Variants in GEMIN8 observed in about 807,000 individuals in gnomAD.
GEMIN8 encodes the protein gem nuclear organelle associated protein 8.
For missense variants in GEMIN8, 185 were observed against 205.9 expected (o/e 0.90, Z 0.62); for synonymous variants, 80 against 78.5 (o/e 1.02, Z -0.10).
chrX:14,016,963 C>G (rs550831633), intron 4 of GEMIN8, among the ~76,000 whole-genome samples: 606 of 103,148 alleles, frequency 5.9e-3, no homozygotes, highest in Non-Finnish European at 9.6e-3. Context: ...GGTTAATAAT[C>G]CATGTTAAAG....
chrX:14,020,548 G>T lies in GEMIN8; in HGVS notation c.16-14C>A. 1 of 1,052,339 alleles carries T rather than the reference G, an allele frequency of 9.5e-7. No individual in the cohort carries two copies. The highest frequency in any genetic ancestry group is 1.3e-6 in the Non-Finnish European group (1 of 754,837). 86.7% of individuals were successfully genotyped at this position (1,052,339 alleles called of 1,213,427 possible). On this transcript the variant is annotated splice_polypyrimidine_tract_variant and intron_variant, in intron 3 of 4. Coordinates refer to ENST00000680255, the MANE Select transcript of GEMIN8 (RefSeq NM_001042479.2). Reference sequence around the variant, plus strand: ...CGATGTTGATGCCTACAAAATGAAAGGAGGTGGAGGGTGGACACCAAAGTG... The same window carrying T: ...CGATGTTGATGCCTACAAAATGAAATGAGGTGGAGGGTGGACACCAAAGTG...
intron 4 of GEMIN8, 97 bp downstream of exon 4, chrX:14,019,981 A>AAG: frequency 4.2e-6 from 2 of 472,235 alleles, no homozygotes; most frequent in Admixed American, 7.6e-5. Context: ...TACCCTAGCC[A>AAG]ATGAAGAATT....
the GEMIN8 span, among the ~76,000 whole-genome samples, chrX:13,999,787 G>C: frequency 9.0e-6 from 1 of 111,483 alleles, no homozygotes; most frequent in Non-Finnish European, 1.9e-5. Context: ...TTTTTCTCAT[G>C]TTTAAATTGG....
intron 4 of GEMIN8, among the ~76,000 whole-genome samples, chrX:14,014,774 C>A (rs1923802333): frequency 8.9e-6 from 1 of 112,001 alleles, no homozygotes; most frequent in African/African-American, 3.3e-5. Flanking sequence ...ATGAAAACCA[C>A]ATCTGGGCAT....
At chrX:14,001,526 G>A in the GEMIN8 span, among the ~76,000 whole-genome samples, 1 of 110,624 alleles carries the variant, frequency 9.0e-6, no homozygotes, top group Non-Finnish European at 1.9e-5. Flanking sequence ...TCCAACATGC[G>A]CTTTTTTTCC....
rs1923351323 is a variant in GEMIN8 at position 14,009,134 on chromosome X, T to G, written c.508A>C (p.Ser170Arg). The part of the protein sequence containing the change: ...QQQLDAERLD[S>R]YVNADHDLYC... ...AGGTCGTGGTCAGCGTTCACATAGCTGTCCAGGCGCTCTGCATCCAGCTGC... is the reference window on the plus strand; with the variant it reads ...AGGTCGTGGTCAGCGTTCACATAGCGGTCCAGGCGCTCTGCATCCAGCTGC... The change falls in exon 5 of 5, where the codon AGC (serine) becomes CGC (arginine). Residue 170 changes from serine to arginine, a missense_variant. Ser to Arg is a moderately radical substitution (Grantham distance 110, BLOSUM62 -1). Transcript: ENST00000680255. The G allele has an allele frequency of 1.7e-6, 2 of 1,211,272 alleles. No homozygotes were observed. The highest frequency in any genetic ancestry group is 5.9e-5 in the East Asian group (2 of 33,842).
At chrX:14,021,558 G>A (rs1924319076) in intron 2 of GEMIN8, 47 bp from the exon 3 acceptor site, 2 of 901,206 alleles carry the variant, frequency 2.2e-6, no homozygotes, top group African/African-American at 2.0e-5. Flanking sequence ...GTATGGCTGT[G>A]TGATATTTGT....
intron 4 of GEMIN8, among the ~76,000 whole-genome samples, chrX:14,019,205 G>A (rs192763318): frequency 1.4e-4 from 16 of 111,432 alleles, no homozygotes; most frequent in Non-Finnish European, 2.6e-4. Context: ...CATACAATTA[G>A]GCCTCACTTA....
chrX:14,021,600 A>G, intron 2 of GEMIN8, 89 bp from the exon 3 acceptor site: 2 of 609,818 alleles, frequency 3.3e-6, no homozygotes, highest in Non-Finnish European at 5.4e-6. Flanking sequence ...GCAGCTCCCA[A>G]GGAACTGCCT....
chrX:14,021,785 C>A (rs1924334904), intron 2 of GEMIN8, among the ~76,000 whole-genome samples: 1 of 89,494 alleles, frequency 1.1e-5, no homozygotes. Context: ...TGAAAATGAC[C>A]ATATAAATAT....
At chrX:14,001,368 A>G in the GEMIN8 span, among the ~76,000 whole-genome samples, 1 of 112,668 alleles carries the variant, frequency 8.9e-6, no homozygotes, top group Admixed American at 9.4e-5. Context: ...AAAGTTAATA[A>G]GTCTTTAATA....
At chrX:14,020,555 G>A in intron 3 of GEMIN8, 21 bp from the exon 4 acceptor site, 1 of 986,673 alleles carries the variant, frequency 1.0e-6, no homozygotes, top group Non-Finnish European at 1.4e-6. Flanking sequence ...AAAGGAGGTG[G>A]AGGGTGGACA....
At chrX:14,014,005 C>T (rs749266454) in intron 4 of GEMIN8, 62 of 721,754 alleles carry the variant, frequency 8.6e-5, no homozygotes, top group Non-Finnish European at 1.0e-4. Context: ...AATGTCACAT[C>T]ACGTAATAGT....
chrX:14,008,288 T>A lies in GEMIN8; in HGVS notation c.*625A>T, dbSNP rs1016029275. The A allele has an allele frequency of 8.9e-6, 1 of 112,597 alleles. No homozygotes were observed. Among genetic ancestry groups the A allele is most frequent in the Non-Finnish European group, 1.9e-5 (1 of 53,424 alleles). The allele number at this position is 112,597 out of a possible 1,213,427, so 9.3% of individuals were successfully genotyped here. ...CATTGCGCCCGGCCGCCTGTTTTTA[T>A]AAATAAAGTTTTATTAGAACACAGC... On this transcript the variant is annotated 3_prime_UTR_variant, in exon 5 of 5. Coordinates refer to ENST00000680255, the MANE Select transcript of GEMIN8 (RefSeq NM_001042479.2).
intron 4 of GEMIN8, among the ~76,000 whole-genome samples, chrX:14,009,934 C>T (rs1047554741): frequency 8.9e-6 from 1 of 112,079 alleles, no homozygotes; most frequent in East Asian, 2.8e-4. Flanking sequence ...ATTATCCTTC[C>T]ACAGATTCGA....
downstream of GEMIN8, among the ~76,000 whole-genome samples, chrX:14,005,920 G>A (rs188800840): frequency 1.5e-3 from 166 of 111,519 alleles, no homozygotes; most frequent in African/African-American, 4.9e-3. Context: ...TTTTCCATCA[G>A]ATATTGGTGC....
chrX:14,020,915 C>T (rs1434741502), intron 3 of GEMIN8, among the ~76,000 whole-genome samples: 3 of 111,097 alleles, frequency 2.7e-5, no homozygotes, highest in African/African-American at 6.6e-5. Context: ...AACTGAGCAA[C>T]GGCCTGCTAA....
intron 4 of GEMIN8, among the ~76,000 whole-genome samples, chrX:14,016,914 C>T (rs1173084712): frequency 1.1e-5 from 1 of 91,681 alleles, no homozygotes; most frequent in African/African-American, 4.1e-5. Context: ...CAATCAAGCA[C>T]TAATCAAGGC....
chrX:14,011,946 G>A (rs1923580490), intron 4 of GEMIN8, among the ~76,000 whole-genome samples: 1 of 110,876 alleles, frequency 9.0e-6, no homozygotes, highest in African/African-American at 3.3e-5. Context: ...TTAACACAAA[G>A]CAACCCCAGT....
Sources: gnomAD v4.1 joint callset for allele counts (sites outside exome capture counted in the v4.1 genomes callset) on GRCh38, gnomAD v4.1.1 for gene constraint, MANE v1.5 for transcripts, NCBI Gene and HGNC (gene_info 2026-07-23, HGNC 2026-07-21) for gene names.